Variants in GALNT13 observed in about 807,000 individuals in gnomAD.
GALNT13 encodes polypeptide N-acetylgalactosaminyltransferase 13.
GALNT13 carries 28 observed loss-of-function variants against 64.2 expected under a neutral mutation model. The ratio of observed to expected loss-of-function variants is 0.44; its 90% CI spans 0.32 to 0.60. The LOEUF (loss-of-function observed/expected upper bound fraction) is 0.60. Ranked by LOEUF, GALNT13 falls within the 20% of genes least tolerant of loss-of-function variation. The pLI is 0.05. For missense variants in GALNT13, 577 were observed against 669.8 expected (o/e 0.86, Z 1.53); for synonymous variants, 214 against 224.6 (o/e 0.95, Z 0.42).
the GALNT13 span, among the ~76,000 whole-genome samples, chr2:153,399,976 TGA>T: frequency 2.0e-5 from 3 of 151,600 alleles, no homozygotes; most frequent in Non-Finnish European, 4.4e-5. Context: ...ATAGGAGTGG[TGA>T]GAGAGGGCAT....
chr2:153,452,698 C>T, the GALNT13 span, among the ~76,000 whole-genome samples: 1 of 151,796 alleles, frequency 6.6e-6, no homozygotes, highest in African/African-American at 2.4e-5. Flanking sequence ...GTTCATACTG[C>T]CCCAAGAAAT....
intron 4 of GALNT13, among the ~76,000 whole-genome samples, chr2:154,208,659 TGTGTG>T (rs1270654944): frequency 1.5e-3 from 213 of 142,046 alleles, no homozygotes; most frequent in African/African-American, 5.4e-3. Context: ...TGTGTGTGTG[TGTGTG>T]TGTGTAGCTA....
At chr2:153,524,460 A>T in the GALNT13 span, among the ~76,000 whole-genome samples, 1 of 152,016 alleles carries the variant, frequency 6.6e-6, no homozygotes, top group African/African-American at 2.4e-5. Context: ...ATGAGCACTC[A>T]CAGTGCATGG....
the GALNT13 span, among the ~76,000 whole-genome samples, chr2:153,575,042 G>C: frequency 6.6e-6 from 1 of 152,142 alleles, no homozygotes; most frequent in Admixed American, 6.5e-5. Context: ...GAAAGGACTT[G>C]AGTGTTGTGA....
the GALNT13 span, among the ~76,000 whole-genome samples, chr2:153,671,899 A>G: frequency 6.6e-6 from 1 of 152,192 alleles, no homozygotes; most frequent in Non-Finnish European, 1.5e-5. Context: ...AGGGGTTGCA[A>G]TCCTGGTCTC....
chr2:153,549,820 G>A, the GALNT13 span, among the ~76,000 whole-genome samples: 1 of 152,184 alleles, frequency 6.6e-6, no homozygotes, highest in Non-Finnish European at 1.5e-5. Flanking sequence ...TTTTGCTGAT[G>A]ACCATATTAA....
chr2:153,242,359 TC>T, the GALNT13 span, among the ~76,000 whole-genome samples: 4 of 152,042 alleles, frequency 2.6e-5, no homozygotes, highest in African/African-American at 9.7e-5. Context: ...TTGAGGAGAT[TC>T]CAAATCTAGA....
chr2:154,221,266 A>C (rs987198049), intron 4 of GALNT13, among the ~76,000 whole-genome samples: 2 of 151,696 alleles, frequency 1.3e-5, no homozygotes, highest in Admixed American at 1.3e-4. Flanking sequence ...TATTAATAGA[A>C]ATAGTAATGT....
the GALNT13 span, among the ~76,000 whole-genome samples, chr2:153,358,103 T>G: frequency 1.3e-5 from 2 of 152,200 alleles, no homozygotes; most frequent in African/African-American, 4.8e-5. Flanking sequence ...AAAAGTGCTG[T>G]GCAAAAGCCT....
At chr2:153,785,696 G>T in the GALNT13 span, among the ~76,000 whole-genome samples, 5 of 151,942 alleles carry the variant, frequency 3.3e-5, no homozygotes, top group Non-Finnish European at 5.9e-5. Context: ...AAGCTTGGGG[G>T]CCTGCTTGCT....
chr2:154,276,587 G>A (rs1441970910), intron 8 of GALNT13, among the ~76,000 whole-genome samples: 1 of 152,150 alleles, frequency 6.6e-6, no homozygotes, highest in Admixed American at 6.6e-5. Flanking sequence ...TTGAGTTAAT[G>A]CTAAAATGAG....
At chr2:153,251,667 G>C in the GALNT13 span, among the ~76,000 whole-genome samples, 1 of 130,014 alleles carries the variant, frequency 7.7e-6, no homozygotes. Flanking sequence ...TCCCCTTCCT[G>C]GGTCCATGTG....
chr2:153,409,098 G>A, the GALNT13 span, among the ~76,000 whole-genome samples: 2 of 151,880 alleles, frequency 1.3e-5, no homozygotes, highest in Non-Finnish European at 1.5e-5. Flanking sequence ...GGGGCCCTTG[G>A]GCTTTTGGCC....
intron 1 of GALNT13, among the ~76,000 whole-genome samples, chr2:153,875,805 C>T (rs139767749): frequency 6.6e-6 from 1 of 152,262 alleles, no homozygotes; most frequent in East Asian, 1.9e-4. Flanking sequence ...GTTAGGTGTT[C>T]ATTGTCCTTT....
At chr2:153,639,296 A>G in the GALNT13 span, among the ~76,000 whole-genome samples, 1 of 152,146 alleles carries the variant, frequency 6.6e-6, no homozygotes, top group Non-Finnish European at 1.5e-5. Context: ...GTGGGCTAGA[A>G]GGAAAGACAC....
At chr2:154,232,770 G>A (rs1376570747) in intron 4 of GALNT13, among the ~76,000 whole-genome samples, 6 of 151,722 alleles carry the variant, frequency 4.0e-5, no homozygotes, top group Admixed American at 3.3e-4. Flanking sequence ...CAGTGGCTCA[G>A]GCCTGTAATA....
At chr2:153,898,232 C>G (rs1251108467) in intron 1 of GALNT13, among the ~76,000 whole-genome samples, 1 of 152,024 alleles carries the variant, frequency 6.6e-6, no homozygotes, top group Admixed American at 6.6e-5. Context: ...TGCCGAAGGA[C>G]TTGGATTTGT....
the GALNT13 span, among the ~76,000 whole-genome samples, chr2:153,167,117 A>T: frequency 5.9e-5 from 9 of 152,250 alleles, no homozygotes; most frequent in Non-Finnish European, 1.0e-4. Context: ...GTACACCACA[A>T]ATAAACCACT....
the GALNT13 span, among the ~76,000 whole-genome samples, chr2:153,082,767 ATAT>A: frequency 4.1e-5 from 6 of 145,908 alleles, no homozygotes; most frequent in African/African-American, 1.2e-4. Context: ...AATAAAATAT[ATAT>A]TATTTATTGA....
Sources: gnomAD v4.1 joint callset for allele counts (sites outside exome capture counted in the v4.1 genomes callset) on GRCh38, gnomAD v4.1.1 for gene constraint, MANE v1.5 for transcripts, NCBI Gene and HGNC (gene_info 2026-07-23, HGNC 2026-07-21) for gene names.